PPP1R21: variants seen among roughly 807,000 people sequenced by gnomAD.
PPP1R21 encodes protein phosphatase 1 regulatory subunit 21.
Under a neutral mutation model 112.8 loss-of-function variants are expected in PPP1R21, and 85 were observed. That is an observed-to-expected ratio of 0.75 (90% CI 0.63 to 0.90). The LOEUF (loss-of-function observed/expected upper bound fraction) is 0.90. Among genes scored for constraint, PPP1R21 ranks in the 40% least tolerant of loss-of-function variants. The pLI, the probability that PPP1R21 is intolerant of heterozygous loss-of-function variation, is 0.00. For synonymous variants in PPP1R21, 381 were observed against 322.3 expected, an observed-to-expected ratio of 1.18 and a Z score of -1.95; for missense variants, 1,199 against 901.5, an observed-to-expected ratio of 1.33 and a Z score of -4.23.
At chr2:48,496,009 C>G (rs978175242) in intron 16 of PPP1R21, among the ~76,000 whole-genome samples, 2 of 152,194 alleles carry the variant, frequency 1.3e-5, no homozygotes, top group African/African-American at 2.4e-5. Context: ...TATCAACACA[C>G]TTTGGCCATG....
In PPP1R21 at chr2:48,440,791, A is replaced by C. The variant is rs1666973104; in HGVS notation, c.-163A>C. ...ACTCCACCTTCCTCCCACCCCGGGA[A>C]CCCGGAAGTGGAGGAGGAGGCGCGG... On this transcript the variant is annotated 5_prime_UTR_variant, in exon 1 of 22. Transcript: ENST00000294952. The C allele has an allele frequency of 1.6e-5, 10 of 624,006 alleles. No individual in the cohort carries two copies. In the East Asian group the frequency reaches 2.5e-4, roughly 15 times the overall value. The allele number at this position is 624,006 out of a possible 1,614,324, so 38.7% of individuals were successfully genotyped here.
At chr2:48,476,563 A>T (rs1220543225) in intron 12 of PPP1R21, among the ~76,000 whole-genome samples, 1 of 152,174 alleles carries the variant, frequency 6.6e-6, no homozygotes, top group Non-Finnish European at 1.5e-5. Context: ...TTACATTCCT[A>T]CTAGCAGTGT....
At chr2:48,469,341 T>C (rs1471037075) in intron 9 of PPP1R21, among the ~76,000 whole-genome samples, 1 of 12,512 alleles carries the variant, frequency 8.0e-5, no homozygotes, top group African/African-American at 5.0e-4. Context: ...AGAGCATATA[T>C]ATATATAGCA....
intron 15 of PPP1R21, among the ~76,000 whole-genome samples, chr2:48,494,890 G>A (rs549073256): frequency 3.3e-5 from 5 of 151,842 alleles, no homozygotes; most frequent in Admixed American, 2.6e-4. Flanking sequence ...GCTAATTTTT[G>A]TATTTTTAGT....
chr2:48,462,404 G>T (rs540664843), intron 7 of PPP1R21, among the ~76,000 whole-genome samples: 80 of 152,308 alleles, frequency 5.3e-4, no homozygotes, highest in African/African-American at 1.9e-3. Context: ...AGAACCTCCT[G>T]GGGTTTCAGA....
chr2:48,467,422 C>T (rs1363115576), intron 9 of PPP1R21, among the ~76,000 whole-genome samples: 1 of 152,178 alleles, frequency 6.6e-6, no homozygotes, highest in East Asian at 1.9e-4. Context: ...AAACAACAAA[C>T]ATTTACTATC....
At position 48,490,095 on chromosome 2, in the gene PPP1R21, T is replaced by C. The variant is rs569096897; in HGVS notation, c.1447-923T>C. Among the ~76,000 whole-genome samples the C allele has an allele frequency of 7.9e-5, 12 of 151,710 alleles. No homozygotes were observed. In the South Asian group the frequency reaches 2.5e-3, roughly 32 times the overall value. On this transcript the variant is annotated intron_variant, in intron 14 of 21. Coordinates refer to ENST00000294952, the MANE Select transcript of PPP1R21 (RefSeq NM_001135629.3). ...TTACCCGGATGTGGTGACGGGCACC[T>C]GTAATCCCAGCTACTCAGGCGGCTG...
At chr2:48,480,550 T>C (rs1668966293) in intron 13 of PPP1R21, among the ~76,000 whole-genome samples, 1 of 152,216 alleles carries the variant, frequency 6.6e-6, no homozygotes, top group African/African-American at 2.4e-5. Flanking sequence ...CCTAAAAATG[T>C]AGTCTGCTGA....
intron 7 of PPP1R21, among the ~76,000 whole-genome samples, chr2:48,461,508 C>G (rs1029200697): frequency 6.6e-6 from 1 of 152,080 alleles, no homozygotes; most frequent in African/African-American, 2.4e-5. Context: ...AAAAAACAAC[C>G]TGCACATAAA....
chr2:48,507,500 T>C (rs955746564), intron 19 of PPP1R21, 115 bp downstream of exon 19: 1 of 1,469,362 alleles, frequency 6.8e-7, no homozygotes, highest in Non-Finnish European at 9.0e-7. Flanking sequence ...CCCAAGTAGC[T>C]GGGACTATGG....
At chr2:48,490,218 C>CAAAACAA in intron 14 of PPP1R21, among the ~76,000 whole-genome samples, 1 of 93,954 alleles carries the variant, frequency 1.1e-5, no homozygotes, top group East Asian at 3.3e-4. Context: ...GACGCCGACT[C>CAAAACAA]AAAAAAAAAA....
chr2:48,483,583 C>G lies in PPP1R21; in HGVS notation c.1319-3048C>G, dbSNP rs370998996. On this transcript the variant is annotated intron_variant, in intron 13 of 21. Transcript: ENST00000294952. ...AAGCTAGAGGCATCACGTTAACTGA[C>G]TTGTACTGCTTTATAAGCTCATTTA... 9.8e-5 allele frequency among the ~76,000 whole-genome samples: 15 copies of G among 152,292 alleles called. No individual in the cohort carries two copies. The East Asian group carries it at 2.3e-3, about 23-fold the overall frequency.
chr2:48,451,034 A>C lies in PPP1R21; in HGVS notation c.84A>C (p.Lys28Asn), dbSNP rs1397507283. ...SKLRAQNQVL[K>N]KGVVDEQANS... ...TTCGGGCTCAGAATCAGGTTCTGAA[A>C]AAAGGTGTTGTGGATGAACAAGCAA... Residue 28 changes from lysine to asparagine, a missense_variant, in exon 2 of 22, where the codon AAA (lysine) becomes AAC (asparagine). Transcript: ENST00000294952. The C allele has an allele frequency of 6.2e-7, 1 of 1,613,916 alleles. No individual in the cohort carries two copies. Among genetic ancestry groups the C allele is most frequent in the Non-Finnish European group, 8.5e-7 (1 of 1,179,820 alleles).
intron 14 of PPP1R21, among the ~76,000 whole-genome samples, chr2:48,490,690 G>T (rs1262920327): frequency 6.6e-6 from 1 of 152,160 alleles, no homozygotes; most frequent in East Asian, 1.9e-4. Context: ...TTTGAGAACA[G>T]TGGCAGAAAT....
intron 3 of PPP1R21, among the ~76,000 whole-genome samples, chr2:48,455,991 G>C (rs1667705425): frequency 7.1e-6 from 1 of 140,762 alleles, no homozygotes; most frequent in African/African-American, 2.7e-5. Flanking sequence ...CTCCGACCTG[G>C]GTGGCAGAGT....
rs374526653 is a variant in PPP1R21, at chr2:48,491,160, C to G, written c.1589C>G (p.Ser530Cys). 3.7e-6 allele frequency: 6 copies of G among 1,610,768 alleles called. No individual in the cohort carries two copies. The highest frequency in any genetic ancestry group is 5.1e-6 in the Non-Finnish European group (6 of 1,179,100). Residue 530 changes from serine (S) to cysteine (C), a missense_variant, in exon 15 of 22, where the codon TCT (serine) becomes TGT (cysteine). Ser to Cys is a moderately radical substitution (Grantham distance 112, BLOSUM62 -1). Transcript: ENST00000294952. ...AAAAAAGCTGCTGCCTATATGAAGT[C>G]TTTGAGAAAGGTTTGTTAGCTGCTG... ...YKKKAAAYMK[S>C]LRKPLLESVP...
At chr2:48,475,606 G>A (rs974006365) in intron 12 of PPP1R21, among the ~76,000 whole-genome samples, 2 of 151,856 alleles carry the variant, frequency 1.3e-5, no homozygotes, top group Non-Finnish European at 2.9e-5. Flanking sequence ...CCAGCACTTT[G>A]GGAGGCTGAG....
intron 2 of PPP1R21, among the ~76,000 whole-genome samples, chr2:48,453,104 C>G (rs1201604274): frequency 6.6e-6 from 1 of 152,080 alleles, no homozygotes; most frequent in African/African-American, 2.4e-5. Context: ...CAGGCGTGCA[C>G]CACCCTGCCT....
intron 19 of PPP1R21, 94 bp downstream of exon 19, chr2:48,507,479 GA>G: frequency 4.0e-6 from 6 of 1,515,446 alleles, no homozygotes; most frequent in Non-Finnish European, 5.2e-6. Context: ...CTGTAAGAGA[GA>G]AGTCAGTGTC....
Sources: gnomAD v4.1 joint callset for allele counts (sites outside exome capture counted in the v4.1 genomes callset) on GRCh38, gnomAD v4.1.1 for gene constraint, MANE v1.5 for transcripts, NCBI Gene and HGNC (gene_info 2026-07-23, HGNC 2026-07-21) for gene names.